LOC122539214: variants seen among roughly 807,000 people sequenced by gnomAD.
the LOC122539214 span, among the ~76,000 whole-genome samples, chr19:52,661,263 C>G: frequency 6.6e-6 from 1 of 152,106 alleles, no homozygotes; most frequent in Non-Finnish European, 1.5e-5. Flanking sequence ...GCCCACTGCA[C>G]CAGAGATCAT....
At chr19:52,686,503 GAAAAAA>G in the LOC122539214 span, among the ~76,000 whole-genome samples, 1 of 143,908 alleles carries the variant, frequency 6.9e-6, no homozygotes, top group African/African-American at 2.5e-5. Context: ...AAACCAGAAA[GAAAAAA>G]AAAAAGAAAT....
At chr19:52,686,641 T>C in the LOC122539214 span, among the ~76,000 whole-genome samples, 3 of 152,112 alleles carry the variant, frequency 2.0e-5, no homozygotes, top group Non-Finnish European at 2.9e-5. Flanking sequence ...CAACATGATT[T>C]CAGCTCACTG....
chr19:52,660,475 C>G, the LOC122539214 span, among the ~76,000 whole-genome samples: 2 of 146,256 alleles, frequency 1.4e-5, no homozygotes, highest in Non-Finnish European at 2.9e-5. Context: ...AAAATTAGCC[C>G]AGAGTGGTGG....
the LOC122539214 span, among the ~76,000 whole-genome samples, chr19:52,675,647 GA>G: frequency 2.0e-5 from 3 of 152,282 alleles, no homozygotes; most frequent in South Asian, 6.2e-4. Context: ...TCGATAGGCT[GA>G]AAAGAAACAG....
chr19:52,685,906 A>C, the LOC122539214 span, among the ~76,000 whole-genome samples: 1 of 18,666 alleles, frequency 5.4e-5, no homozygotes. Context: ...ACAAAAAAAA[A>C]AAAAAAAAAA....
the LOC122539214 span, among the ~76,000 whole-genome samples, chr19:52,685,695 G>A: frequency 2.0e-4 from 31 of 151,944 alleles, no homozygotes; most frequent in Non-Finnish European, 2.6e-4. Flanking sequence ...TCAGGAGCTC[G>A]AGACCAGCCT....
the LOC122539214 span, among the ~76,000 whole-genome samples, chr19:52,680,698 C>A: frequency 7.1e-6 from 1 of 141,814 alleles, no homozygotes; most frequent in Non-Finnish European, 1.5e-5. Context: ...CTGCAAGCTC[C>A]GCCTCCCGGG....
chr19:52,687,616 G>GTATATATATATA, the LOC122539214 span, among the ~76,000 whole-genome samples: 5 of 15,816 alleles, frequency 3.2e-4, 1 homozygote, highest in African/African-American at 1.4e-3. Context: ...TATATAATGT[G>GTATATATATATA]TATATATATA....
At chr19:52,690,401 G>A in the LOC122539214 span, 1 of 158,600 alleles carries the variant, frequency 6.3e-6, no homozygotes, top group African/African-American at 2.4e-5. Flanking sequence ...AAACGCTGAG[G>A]ACCTGGGAAA....
chr19:52,684,693 C>A, the LOC122539214 span, among the ~76,000 whole-genome samples: 15 of 152,060 alleles, frequency 9.9e-5, no homozygotes, highest in East Asian at 2.9e-3. Context: ...CAGCTCTGAG[C>A]CTAGAACTGA....
At chr19:52,678,458 A>AAAAAAAAG in the LOC122539214 span, among the ~76,000 whole-genome samples, 1 of 151,336 alleles carries the variant, frequency 6.6e-6, no homozygotes, top group Admixed American at 6.6e-5. Flanking sequence ...TCAAAAAAAA[A>AAAAAAAAG]AAAAAAGAAA....
chr19:52,685,897 CAA>C, the LOC122539214 span, among the ~76,000 whole-genome samples: 23 of 132,522 alleles, frequency 1.7e-4, no homozygotes, highest in South Asian at 5.1e-4. Flanking sequence ...GTAACTGTCA[CAA>C]AAAAAAAAAA....
chr19:52,669,080 C>A, the LOC122539214 span, among the ~76,000 whole-genome samples: 6 of 152,300 alleles, frequency 3.9e-5, no homozygotes, highest in South Asian at 1.2e-3. Flanking sequence ...ACTCTTTATT[C>A]ATCCCTGAGC....
chr19:52,652,262 C>A, the LOC122539214 span: 1 of 238,478 alleles, frequency 4.2e-6, no homozygotes, highest in Non-Finnish European at 8.3e-6. Flanking sequence ...ATGGTGAAAC[C>A]CTGTCTCTAC....
At chr19:52,684,217 A>G in the LOC122539214 span, among the ~76,000 whole-genome samples, 2 of 151,976 alleles carry the variant, frequency 1.3e-5, no homozygotes, top group African/African-American at 4.8e-5. Flanking sequence ...AAAAACATAA[A>G]AAGTAGCCTG....
chr19:52,677,329 A>AAAAAAAAAAAAAT, the LOC122539214 span, among the ~76,000 whole-genome samples: 2 of 129,116 alleles, frequency 1.5e-5, no homozygotes, highest in Non-Finnish European at 3.3e-5. Flanking sequence ...AAAAAAAAAA[A>AAAAAAAAAAAAAT]ACAAAAATTA....
chr19:52,674,998 G>A, the LOC122539214 span, among the ~76,000 whole-genome samples: 3 of 152,142 alleles, frequency 2.0e-5, no homozygotes, highest in Non-Finnish European at 4.4e-5. Context: ...TGGGATTACA[G>A]GCATGAGCCA....
At chr19:52,653,008 T>C in the LOC122539214 span, 1 of 1,403,138 alleles carries the variant, frequency 7.1e-7, no homozygotes, top group Non-Finnish European at 1.0e-6. Flanking sequence ...AACTCTCTGA[T>C]GTTGTGCAAG....
At chr19:52,652,427 T>G in the LOC122539214 span, 1 of 383,438 alleles carries the variant, frequency 2.6e-6, no homozygotes, top group Non-Finnish European at 5.1e-6. Flanking sequence ...AGAGTAAGAC[T>G]TCATCTGAAA....
Sources: allele counts gnomAD v4.1 joint callset (sites outside exome capture counted in the v4.1 genomes callset), GRCh38; gene constraint gnomAD v4.1.1; transcripts MANE v1.5.